GRM3: variants seen among roughly 807,000 people sequenced by gnomAD.
GRM3 encodes the protein metabotropic glutamate receptor 3.
GRM3 carries 26 observed loss-of-function variants against 70.5 expected under a neutral mutation model. The observed-to-expected ratio is 0.37, with a 90% confidence interval of 0.27 to 0.51. GRM3 has a LOEUF of 0.51. Among genes scored for constraint, GRM3 ranks in the 20% least tolerant of loss-of-function variants. The probability of loss-of-function intolerance (pLI) is 0.93; values close to 1 mark genes in which losing one functional copy is unlikely to be tolerated. For synonymous variants in GRM3, 443 were observed against 434.9 expected, an observed-to-expected ratio of 1.02 and a Z score of -0.23; for missense variants, 859 against 1,123.8, an observed-to-expected ratio of 0.76 and a Z score of 3.37.
intron 3 of GRM3, among the ~76,000 whole-genome samples, chr7:86,802,192 CTT>C (rs1797698340): frequency 2.6e-5 from 4 of 152,080 alleles, no homozygotes; most frequent in African/African-American, 9.7e-5. Flanking sequence ...TGTTAAATGT[CTT>C]TCTCCAATTT....
chr7:86,777,250 T>A (rs1305243995), intron 2 of GRM3, among the ~76,000 whole-genome samples: 1 of 152,194 alleles, frequency 6.6e-6, no homozygotes, highest in South Asian at 2.1e-4. Context: ...ACCTTACTAT[T>A]TAAGAAGTCC....
intron 1 of GRM3, among the ~76,000 whole-genome samples, chr7:86,749,388 C>T (rs945370360): frequency 8.5e-5 from 13 of 152,130 alleles, no homozygotes; most frequent in African/African-American, 2.6e-4. Flanking sequence ...GGCTACATTT[C>T]GCAGGAATTG....
intron 3 of GRM3, among the ~76,000 whole-genome samples, chr7:86,836,738 G>A (rs1221847969): frequency 2.6e-5 from 4 of 152,082 alleles, no homozygotes; most frequent in African/African-American, 9.7e-5. Flanking sequence ...TAACACATAT[G>A]TTAAGTGCTT....
At chr7:86,789,872 G>A (rs1223634630) in intron 3 of GRM3, among the ~76,000 whole-genome samples, 1 of 152,212 alleles carries the variant, frequency 6.6e-6, no homozygotes, top group Admixed American at 6.5e-5. Flanking sequence ...CATGGATCTT[G>A]TTTGAAGCTA....
chr7:86,841,023 C>T (rs967020251), intron 4 of GRM3, among the ~76,000 whole-genome samples: 2 of 152,074 alleles, frequency 1.3e-5, no homozygotes, highest in Non-Finnish European at 2.9e-5. Flanking sequence ...TTTCTAAGAG[C>T]TTTTAGCATA....
At chr7:86,756,786 A>G (rs1307645607) in intron 1 of GRM3, among the ~76,000 whole-genome samples, 1 of 152,040 alleles carries the variant, frequency 6.6e-6, no homozygotes, top group Non-Finnish European at 1.5e-5. Flanking sequence ...TACTTCAAGT[A>G]TTTTCTCTCA....
chr7:86,787,911 C>T (rs1000445508), intron 3 of GRM3, among the ~76,000 whole-genome samples: 5 of 152,142 alleles, frequency 3.3e-5, no homozygotes, highest in South Asian at 2.1e-4. Flanking sequence ...TGCATTACTA[C>T]GTAAAAAGCA....
intron 1 of GRM3, among the ~76,000 whole-genome samples, chr7:86,741,504 T>C (rs930647824): frequency 2.6e-5 from 4 of 152,186 alleles, no homozygotes; most frequent in Non-Finnish European, 4.4e-5. Context: ...TCAACTATAT[T>C]GGGTTATCTA....
intron 3 of GRM3, among the ~76,000 whole-genome samples, chr7:86,801,250 T>C (rs1797676283): frequency 6.6e-6 from 1 of 152,014 alleles, no homozygotes; most frequent in African/African-American, 2.4e-5. Context: ...TTTGTATTTT[T>C]AGTCGAGACG....
chr7:86,652,692 G>C (rs570700397), intron 1 of GRM3, among the ~76,000 whole-genome samples: 1 of 152,268 alleles, frequency 6.6e-6, no homozygotes, highest in African/African-American at 2.4e-5. Context: ...AAGTAGGAAA[G>C]GGTAAGAAAA....
At chr7:86,768,634 T>C (rs967880907) in intron 2 of GRM3, among the ~76,000 whole-genome samples, 3 of 152,100 alleles carry the variant, frequency 2.0e-5, no homozygotes, top group Admixed American at 6.6e-5. Context: ...ACAGTGTAAA[T>C]GAGATGCTGG....
chr7:86,761,277 T>C (rs1473646745), intron 1 of GRM3, among the ~76,000 whole-genome samples: 1 of 152,150 alleles, frequency 6.6e-6, no homozygotes, highest in Non-Finnish European at 1.5e-5. Flanking sequence ...GCATATTCCT[T>C]ATTTAGTATT....
At chr7:86,815,465 A>G (rs1270501641) in intron 3 of GRM3, among the ~76,000 whole-genome samples, 2 of 151,900 alleles carry the variant, frequency 1.3e-5, no homozygotes, top group African/African-American at 4.8e-5. Context: ...TAAGGAAATA[A>G]ATACCATTCC....
chr7:86,825,322 G>C (rs1044063342), intron 3 of GRM3, among the ~76,000 whole-genome samples: 5 of 152,186 alleles, frequency 3.3e-5, no homozygotes, highest in Non-Finnish European at 7.3e-5. Context: ...TTATTTCCAG[G>C]GGAATAGAAA....
intron 1 of GRM3, among the ~76,000 whole-genome samples, chr7:86,712,450 G>T (rs1027170396): frequency 6.6e-6 from 1 of 151,880 alleles, no homozygotes; most frequent in Non-Finnish European, 1.5e-5. Flanking sequence ...CAGGGTAACT[G>T]TCATATACAT....
chr7:86,770,290 T>C (rs1436549763), intron 2 of GRM3, among the ~76,000 whole-genome samples: 1 of 152,102 alleles, frequency 6.6e-6, no homozygotes, highest in Non-Finnish European at 1.5e-5. Context: ...TTAGATGGCA[T>C]GTAAAAGTTA....
intron 1 of GRM3, among the ~76,000 whole-genome samples, chr7:86,701,387 G>A (rs925874290): frequency 1.3e-4 from 19 of 151,660 alleles, no homozygotes; most frequent in African/African-American, 4.4e-4. Context: ...TTATTTTTTA[G>A]AAAGTATGAC....
At chr7:86,703,352 G>A (rs1341235426) in intron 1 of GRM3, among the ~76,000 whole-genome samples, 3 of 151,914 alleles carry the variant, frequency 2.0e-5, no homozygotes, top group South Asian at 2.1e-4. Context: ...TAGTGTGAAA[G>A]GTTCATGGAA....
chr7:86,693,552 G>A (rs1340855354), intron 1 of GRM3, among the ~76,000 whole-genome samples: 1 of 152,288 alleles, frequency 6.6e-6, no homozygotes, highest in South Asian at 2.1e-4. Context: ...AATCATCAGG[G>A]CCAGGAAAAA....
Sources: allele counts gnomAD v4.1 joint callset (sites outside exome capture counted in the v4.1 genomes callset), GRCh38; gene constraint gnomAD v4.1.1; transcripts MANE v1.5; gene names NCBI Gene and HGNC (gene_info 2026-07-23, HGNC 2026-07-21).